SOX30: variants seen among roughly 807,000 people sequenced by gnomAD.
The protein encoded by SOX30 is SRY-box transcription factor 30.
In SOX30, 17 loss-of-function variants were observed where a neutral mutation model predicts 58.6. That is an observed-to-expected ratio of 0.29 (90% confidence interval 0.20 to 0.44). The LOEUF (loss-of-function observed/expected upper bound fraction) is 0.44. Among genes scored for constraint, SOX30 ranks in the 20% least tolerant of loss-of-function variants. The pLI, the probability that SOX30 is intolerant of heterozygous loss-of-function variation, is 1.00. For synonymous variants in SOX30, 421 were observed against 400.2 expected (o/e 1.05, Z -0.62); for missense variants, 951 against 965.8 (o/e 0.98, Z 0.20).
rs1271173383 is a variant in SOX30, at chr5:157,652,197, C to A, written c.-119G>T. The A allele has an allele frequency of 6.1e-6, 8 of 1,321,832 alleles. No individual in the cohort carries two copies. The highest frequency in any genetic ancestry group is 6.7e-6 in the Non-Finnish European group (7 of 1,043,326). The allele number at this position is 1,321,832 out of a possible 1,614,324, so 81.9% of individuals were successfully genotyped here. On this transcript the variant is annotated 5_prime_UTR_variant, in exon 1 of 5. Coordinates refer to ENST00000265007, the MANE Select transcript of SOX30 (RefSeq NM_178424.2). ...TTGCTACCCAGAACCCTACGCGGTTCAAAACGCAGCTGTCTGTCTGGGCCT... is the reference window on the plus strand; with the variant it reads ...TTGCTACCCAGAACCCTACGCGGTTAAAAACGCAGCTGTCTGTCTGGGCCT...
chr5:157,646,599 T>C (rs1367186962), intron 3 of SOX30, 38 bp downstream of exon 3: 1 of 1,476,736 alleles, frequency 6.8e-7, no homozygotes, highest in East Asian at 2.3e-5. Flanking sequence ...TTCTTGCAGC[T>C]ATTTAAAAAA....
At chr5:157,628,302 T>G (rs1758709109) in intron 4 of SOX30, among the ~76,000 whole-genome samples, 1 of 151,176 alleles carries the variant, frequency 6.6e-6, no homozygotes, top group Non-Finnish European at 1.5e-5. Context: ...ACAGATAACA[T>G]AAACATAATG....
At chr5:157,659,514 A>G (rs1333805886) in intron 2 of SOX30, among the ~76,000 whole-genome samples, 1 of 152,240 alleles carries the variant, frequency 6.6e-6, no homozygotes, top group East Asian at 1.9e-4. Flanking sequence ...GTAATTGACA[A>G]TAGATGCATG....
At chr5:157,640,916 T>TG (rs1414834806) in intron 3 of SOX30, among the ~76,000 whole-genome samples, 1 of 152,172 alleles carries the variant, frequency 6.6e-6, no homozygotes, top group African/African-American at 2.4e-5. Flanking sequence ...GACACCATAA[T>TG]GCACTCCCTT....
chr5:157,663,861 A>C (rs890259171), intron 2 of SOX30, among the ~76,000 whole-genome samples: 6 of 152,214 alleles, frequency 3.9e-5, no homozygotes, highest in Non-Finnish European at 5.9e-5. Context: ...TGCTTCAAAG[A>C]GAATAAAATA....
intron 4 of SOX30, among the ~76,000 whole-genome samples, chr5:157,636,300 TCTAA>T (rs1298390746): frequency 4.0e-4 from 61 of 152,312 alleles, no homozygotes; most frequent in African/African-American, 1.4e-3. Context: ...GCCTCAAGAT[TCTAA>T]CTAAGGCCAA....
intron 2 of SOX30, among the ~76,000 whole-genome samples, chr5:157,664,781 G>T (rs1759640056): frequency 6.6e-6 from 1 of 152,086 alleles, no homozygotes; most frequent in South Asian, 2.1e-4. Flanking sequence ...TCAAAAAGTG[G>T]GTGAAGGATA....
intron 2 of SOX30, among the ~76,000 whole-genome samples, chr5:157,665,463 G>A (rs934305755): frequency 3.9e-5 from 6 of 152,060 alleles, no homozygotes; most frequent in Non-Finnish European, 7.4e-5. Context: ...TTGGCAGAGC[G>A]GGGAGGGATA....
intron 3 of SOX30, among the ~76,000 whole-genome samples, chr5:157,639,066 CA>C (rs1758998770): frequency 6.6e-6 from 1 of 151,960 alleles, no homozygotes; most frequent in African/African-American, 2.4e-5. Flanking sequence ...GATGAATAAA[CA>C]AATGAATAAA....
At chr5:157,652,787 G>C (rs532030352), upstream of SOX30, among the ~76,000 whole-genome samples, 2 of 152,096 alleles carry the variant, frequency 1.3e-5, no homozygotes, top group Non-Finnish European at 2.9e-5. Flanking sequence ...TCCTGTTCCA[G>C]GCTCCCAGCA....
rs535506598 is a variant in SOX30, at chr5:157,647,223, G to A, written c.1208-407C>T. Among the ~76,000 whole-genome samples the A allele has an allele frequency of 3.9e-4, 60 of 152,000 alleles. No homozygotes were observed. The South Asian group carries it at 0.011, about 29-fold the overall frequency. On this transcript the variant is annotated intron_variant, in intron 2 of 4. Coordinates refer to ENST00000265007, the MANE Select transcript of SOX30 (RefSeq NM_178424.2). ...ATTACAGGTGCATGCCACCACACCC[G>A]GCTAATTTTTTGTATTTTTAGTAGA... is the stretch of plus-strand genomic sequence containing the variant.
At chr5:157,635,759 C>A (rs1329016539) in intron 4 of SOX30, among the ~76,000 whole-genome samples, 3 of 152,184 alleles carry the variant, frequency 2.0e-5, no homozygotes, top group Non-Finnish European at 4.4e-5. Context: ...AGATAGACTT[C>A]TATGATTTAA....
rs184806633 is a variant in SOX30 at position 157,644,386 on chromosome 5, T to C, written c.1387+2251A>G. Among the ~76,000 whole-genome samples, 41 of 152,332 alleles carry C rather than the reference T, an allele frequency of 2.7e-4. No individual in the cohort carries two copies. The South Asian group carries it at 4.6e-3, about 17-fold the overall frequency. On this transcript the variant is annotated intron_variant, in intron 3 of 4. Coordinates refer to ENST00000265007, the MANE Select transcript of SOX30 (RefSeq NM_178424.2). ...TCATTCTTGTCTTAGATTTGATTAC[T>C]GTTGTGCATAGCTCTGAAGTGCTTC... is the stretch of plus-strand genomic sequence containing the variant.
At chr5:157,667,966 T>G in intron 1 of SOX30, 1 of 1,206,336 alleles carries the variant, frequency 8.3e-7, no homozygotes, top group Non-Finnish European at 1.1e-6. Flanking sequence ...CACGCCTATC[T>G]TACAGGCAAG....
intron 4 of SOX30, among the ~76,000 whole-genome samples, chr5:157,629,618 T>G (rs1302971066): frequency 6.6e-6 from 1 of 152,160 alleles, no homozygotes; most frequent in East Asian, 1.9e-4. Context: ...AAAACATTAA[T>G]TAGAATAGTC....
chr5:157,649,721 T>C (rs955993712), intron 1 of SOX30, among the ~76,000 whole-genome samples: 3 of 151,870 alleles, frequency 2.0e-5, no homozygotes, highest in Non-Finnish European at 4.4e-5. Context: ...ACCCAGGAGG[T>C]GGAGGTTGCA....
intron 4 of SOX30, among the ~76,000 whole-genome samples, chr5:157,635,623 CA>C (rs113842468): frequency 2.2e-5 from 3 of 136,614 alleles, no homozygotes; most frequent in Admixed American, 7.4e-5. Context: ...GACTCTGTCT[CA>C]AAAAAAAAAC....
chr5:157,668,924 C>G (rs1306590469), intron 1 of SOX30, among the ~76,000 whole-genome samples: 1 of 152,160 alleles, frequency 6.6e-6, no homozygotes, highest in African/African-American at 2.4e-5. Flanking sequence ...CAGGATCCTG[C>G]TGCTCATTTG....
At chr5:157,631,433 C>G (rs1314237722) in intron 4 of SOX30, among the ~76,000 whole-genome samples, 7 of 152,230 alleles carry the variant, frequency 4.6e-5, no homozygotes, top group East Asian at 1.9e-4. Context: ...AGTTAAATTA[C>G]TTAAAAACAA....
Sources: allele counts gnomAD v4.1 joint callset (sites outside exome capture counted in the v4.1 genomes callset), GRCh38; gene constraint gnomAD v4.1.1; transcripts MANE v1.5; gene names NCBI Gene and HGNC (gene_info 2026-07-23, HGNC 2026-07-21).